Variants in OPHN1 observed in about 807,000 individuals in gnomAD.
The protein encoded by OPHN1 is oligophrenin-1.
A neutral mutation model predicts 60.7 loss-of-function variants in OPHN1; 11 were observed. The observed-to-expected ratio is 0.18, with a 90% CI of 0.11 to 0.30. OPHN1 has a LOEUF of 0.30. Ranked by LOEUF, OPHN1 falls within the 10% of genes least tolerant of loss-of-function variation. The pLI is 1.00. For missense variants in OPHN1, 449 were observed against 611.0 expected (o/e 0.73, Z 2.80); for synonymous variants, 226 against 222.6 (o/e 1.02, Z -0.14).
intron 4 of OPHN1, among the ~76,000 whole-genome samples, chrX:68,277,652 G>A (rs759784842): frequency 3.2e-4 from 36 of 110,952 alleles, no homozygotes; most frequent in Non-Finnish European, 5.5e-4. Flanking sequence ...CTAGCCGGGC[G>A]AGGTGGCACA....
intron 6 of OPHN1, among the ~76,000 whole-genome samples, chrX:68,214,179 AG>A (rs2077597914): frequency 8.9e-6 from 1 of 112,342 alleles, no homozygotes; most frequent in African/African-American, 3.2e-5. Flanking sequence ...ACACATAAAA[AG>A]CTTGAAGTCA....
intron 21 of OPHN1, among the ~76,000 whole-genome samples, 164 bp downstream of exon 21, chrX:68,063,690 G>C (rs768971987): frequency 8.9e-6 from 1 of 112,109 alleles, no homozygotes; most frequent in African/African-American, 3.2e-5. Flanking sequence ...TTACATTCTA[G>C]TGATTATTGT....
chrX:68,217,548 G>A (rs369337353), intron 6 of OPHN1, among the ~76,000 whole-genome samples: 46 of 108,261 alleles, frequency 4.2e-4, no homozygotes, highest in Non-Finnish European at 5.6e-4. Flanking sequence ...CTTTGAAGAG[G>A]GCAGTGGTTC....
chrX:68,266,923 G>C (rs1337728394), intron 5 of OPHN1, among the ~76,000 whole-genome samples: 1 of 111,416 alleles, frequency 9.0e-6, no homozygotes, highest in African/African-American at 3.3e-5. Context: ...GATCAAAAGA[G>C]ACAAAGAAGG....
intron 20 of OPHN1, chrX:68,071,499 GC>G: frequency 1.4e-6 from 1 of 738,596 alleles, no homozygotes; most frequent in Non-Finnish European, 2.2e-6. Flanking sequence ...GAACATCCTT[GC>G]CCAGCAGAGA....
chrX:68,418,193 GAAGATCCAA>G lies in OPHN1; in HGVS notation c.154+14665_154+14673del, dbSNP rs753929479. Among the ~76,000 whole-genome samples the G allele has an allele frequency of 2.6e-3, 296 of 111,889 alleles. 3 individuals are homozygous for G. In the South Asian group the frequency reaches 0.047, roughly 18 times the overall value. On this transcript the variant is annotated intron_variant, in intron 2 of 24. Transcript: ENST00000355520. ...AGAGGCTGCCTAACACATGGCATAAGAAGATCCAAAAGACTTGAAATCACAGTTTGAAGG... is the reference window on the plus strand; with the variant it reads ...AGAGGCTGCCTAACACATGGCATAAGAAGACTTGAAATCACAGTTTGAAGG...
At chrX:68,262,351 T>C (rs1017325460) in intron 5 of OPHN1, among the ~76,000 whole-genome samples, 5 of 112,570 alleles carry the variant, frequency 4.4e-5, no homozygotes, top group African/African-American at 1.6e-4. Context: ...TTTTTAAAAA[T>C]ATGTCTATGC....
chrX:68,352,618 G>T (rs1187875930), intron 2 of OPHN1, among the ~76,000 whole-genome samples: 1 of 111,807 alleles, frequency 8.9e-6, no homozygotes, highest in African/African-American at 3.2e-5. Context: ...TAAACACCAG[G>T]CTTAGAATGG....
intron 21 of OPHN1, among the ~76,000 whole-genome samples, chrX:68,062,001 T>C (rs750004917): frequency 1.8e-5 from 2 of 112,445 alleles, no homozygotes; most frequent in African/African-American, 6.5e-5. Flanking sequence ...ACCTGAACAA[T>C]TGGCTTGCTT....
At chrX:68,284,366 G>C (rs761295194) in intron 3 of OPHN1, among the ~76,000 whole-genome samples, 4 of 109,835 alleles carry the variant, frequency 3.6e-5, no homozygotes, top group African/African-American at 9.9e-5. Context: ...CCCAATGTTG[G>C]AGGTGAGGTG....
intron 10 of OPHN1, among the ~76,000 whole-genome samples, chrX:68,204,285 A>T (rs1015825094): frequency 8.9e-6 from 1 of 112,178 alleles, no homozygotes; most frequent in African/African-American, 3.2e-5. Flanking sequence ...GAAAACACAG[A>T]TGAGAGCTGA....
At chrX:68,068,606 A>G (rs2147365561) in intron 20 of OPHN1, among the ~76,000 whole-genome samples, 1 of 111,376 alleles carries the variant, frequency 9.0e-6, no homozygotes, top group African/African-American at 3.3e-5. Flanking sequence ...TTAAAAACAG[A>G]CATCCACACA....
At chrX:68,393,896 T>TTTTTG (rs2078668106) in intron 2 of OPHN1, among the ~76,000 whole-genome samples, 3 of 73,925 alleles carry the variant, frequency 4.1e-5, no homozygotes, top group African/African-American at 8.8e-5. Context: ...TTTTTTTTTT[T>TTTTTG]TTTTTTTTTT....
intron 19 of OPHN1, among the ~76,000 whole-genome samples, chrX:68,083,516 A>T (rs2076983446): frequency 8.9e-6 from 1 of 112,254 alleles, no homozygotes; most frequent in African/African-American, 3.2e-5. Flanking sequence ...CCAGACCACT[A>T]AAAGTTTCTC....
In OPHN1 at chrX:68,068,470, C is replaced by CAAA. The variant is rs61188762; in HGVS notation, c.1835-4296_1835-4294dup. ...CAGGCGACACTGTGAGACTCCATCTCAAAAAAAAAAAAAAAAAAAAAAAGG... is the reference window on the plus strand; with the variant it reads ...CAGGCGACACTGTGAGACTCCATCTCAAAAAAAAAAAAAAAAAAAAAAAAAAGG... On this transcript the variant is annotated intron_variant, in intron 20 of 24. Transcript: ENST00000355520. Among the ~76,000 whole-genome samples, 262 of 39,289 alleles carry CAAA rather than the reference C, an allele frequency of 6.7e-3. 3 individuals are homozygous for CAAA. Among genetic ancestry groups the CAAA allele is most frequent in the South Asian group, 0.015 (3 of 204 alleles). 34.1% of individuals were successfully genotyped at this position (39,289 alleles called of 115,157 possible). A position where few individuals can be genotyped will look rare whatever the true frequency, so the allele number is the denominator to read the frequency against.
intron 18 of OPHN1, among the ~76,000 whole-genome samples, chrX:68,107,664 C>T (rs992080445): frequency 2.7e-5 from 3 of 110,545 alleles, no homozygotes; most frequent in African/African-American, 6.6e-5. Context: ...TTTGTGGAGA[C>T]GGAGTTTCAC....
intron 7 of OPHN1, among the ~76,000 whole-genome samples, chrX:68,213,371 T>C (rs1250543133): frequency 9.2e-6 from 1 of 108,194 alleles, no homozygotes; most frequent in African/African-American, 3.4e-5. Context: ...AACAAATATA[T>C]GGAAATGGAA....
chrX:68,125,930 AATATATATATATATATAT>A, intron 15 of OPHN1, among the ~76,000 whole-genome samples: 1 of 22,262 alleles, frequency 4.5e-5, no homozygotes, highest in East Asian at 1.5e-3. Context: ...ACCACTGATC[AATATATATATATATATAT>A]ATATATATAC....
intron 6 of OPHN1, among the ~76,000 whole-genome samples, chrX:68,228,750 T>A (rs1476800986): frequency 1.8e-5 from 2 of 111,121 alleles, no homozygotes; most frequent in Non-Finnish European, 3.8e-5. Flanking sequence ...TAGGTATTGA[T>A]AGGATGTATC....
Sources: allele counts gnomAD v4.1 joint callset (sites outside exome capture counted in the v4.1 genomes callset), GRCh38; gene constraint gnomAD v4.1.1; transcripts MANE v1.5; gene names NCBI Gene and HGNC (gene_info 2026-07-23, HGNC 2026-07-21).